BCAT2: variants seen among roughly 807,000 people sequenced by gnomAD.
The protein encoded by BCAT2 is branched chain amino acid transaminase 2.
A neutral mutation model predicts 52.9 loss-of-function variants in BCAT2; 44 were observed. The observed-to-expected ratio is 0.83, with a 90% CI of 0.65 to 1.07. The LOEUF (loss-of-function observed/expected upper bound fraction) is 1.07. Ranked by LOEUF, BCAT2 falls within the 50% of genes least tolerant of loss-of-function variation. BCAT2 has a pLI of 0.00. For synonymous variants in BCAT2, 215 were observed against 217.1 expected (o/e 0.99, Z 0.08); for missense variants, 478 against 521.8 (o/e 0.92, Z 0.82).
rs372287907 is a variant in BCAT2, at chr19:48,797,041, G to A, written c.839-19C>T. 7.4e-6 allele frequency: 12 copies of A among 1,613,834 alleles called. No individual in the cohort carries two copies. In the African/African-American group the frequency reaches 1.1e-4, roughly 14 times the overall value. On this transcript the variant is annotated intron_variant, in intron 7 of 10. Transcript: ENST00000316273. Reference sequence around the variant, plus strand: ...TCCAGCACTAGGGCAGGTGTAAGGGGTGGAAGATGTTACCTCTCACCCCCT... The same window carrying A: ...TCCAGCACTAGGGCAGGTGTAAGGGATGGAAGATGTTACCTCTCACCCCCT...
At chr19:48,802,702 C>T (rs1268115821) in intron 3 of BCAT2, among the ~76,000 whole-genome samples, 1 of 152,048 alleles carries the variant, frequency 6.6e-6, no homozygotes, top group Non-Finnish European at 1.5e-5. Context: ...CCTGCCTCAG[C>T]CTCCCAAAGT....
chr19:48,798,106 T>C (rs1031198067), intron 6 of BCAT2, among the ~76,000 whole-genome samples: 2 of 152,028 alleles, frequency 1.3e-5, no homozygotes, highest in African/African-American at 4.8e-5. Context: ...GGTTTCACCA[T>C]GTTGGCCAGG....
chr19:48,803,897 C>T (rs543218129), intron 3 of BCAT2, among the ~76,000 whole-genome samples: 5 of 152,324 alleles, frequency 3.3e-5, no homozygotes, highest in Admixed American at 1.3e-4. Flanking sequence ...CCGTGGCTCA[C>T]GCCAGTAATC....
At chr19:48,796,370 A>T in intron 10 of BCAT2, 58 bp downstream of exon 10, 1 of 1,604,040 alleles carries the variant, frequency 6.2e-7, no homozygotes, top group Non-Finnish European at 8.5e-7. Context: ...GGCTCATGGG[A>T]CACCAACTTC....
chr19:48,796,894 C>T (rs1217546843), intron 8 of BCAT2, 43 bp downstream of exon 8: 1 of 1,609,218 alleles, frequency 6.2e-7, no homozygotes, highest in East Asian at 2.2e-5. Flanking sequence ...TGCCCTGGCC[C>T]CTGGCACATG....
At chr19:48,806,221 G>A (rs2034775724) in intron 3 of BCAT2, among the ~76,000 whole-genome samples, 1 of 149,768 alleles carries the variant, frequency 6.7e-6, no homozygotes, top group Non-Finnish European at 1.5e-5. Context: ...TTTCTTTCAA[G>A]TGAGGCTGGG....
At chr19:48,809,141 G>A (rs572098313) in intron 1 of BCAT2, among the ~76,000 whole-genome samples, 2 of 143,996 alleles carry the variant, frequency 1.4e-5, no homozygotes, top group South Asian at 2.2e-4. Context: ...CAGGTGGATC[G>A]CTTGAGCCCA....
intron 1 of BCAT2, chr19:48,808,175 G>A (rs749757388): frequency 1.3e-5 from 13 of 986,550 alleles, no homozygotes; most frequent in East Asian, 1.1e-4. Context: ...TGATCAGAGC[G>A]TGGGTCCCCA....
In BCAT2 at chr19:48,807,927, C is replaced by A. The variant is rs2034829270; in HGVS notation, c.25-853G>T. On this transcript the variant is annotated intron_variant, in intron 1 of 10. Transcript: ENST00000316273. The surrounding 1 kb of genome is among the most constrained non-coding windows in gnomAD (Gnocchi z 4.6). ...TCTGGCTGTGTCCAGCAGGCTGGGC[C>A]CTCTCTGGTGACCTTTGACCTCACA... is the stretch of plus-strand genomic sequence containing the variant. 1 of 985,878 alleles carries A rather than the reference C, an allele frequency of 1.0e-6. No individual in the cohort carries two copies. Among genetic ancestry groups the A allele is most frequent in the Non-Finnish European group, 1.2e-6 (1 of 830,276 alleles). 61.1% of individuals were successfully genotyped at this position (985,878 alleles called of 1,614,324 possible).
At position 48,798,600 on chromosome 19, in the gene BCAT2, T is replaced by C. The variant is rs745479532; in HGVS notation, c.695+1075A>G. Among the ~76,000 whole-genome samples, 67 of 151,898 alleles carry C rather than the reference T, an allele frequency of 4.4e-4. 1 individual carries two copies. Among genetic ancestry groups the C allele is most frequent in the Non-Finnish European group, 4.4e-5 (3 of 67,962 alleles). On this transcript the variant is annotated intron_variant, in intron 6 of 10. Coordinates refer to ENST00000316273, the MANE Select transcript of BCAT2 (RefSeq NM_001190.4). ...CCTCCTCCCTCCTCGTCAGACCTAG[T>C]TGAAGGGTCGCCTCCTCTGCGAAAC...
chr19:48,796,211 G>A, intron 10 of BCAT2: 1 of 610,858 alleles, frequency 1.6e-6, no homozygotes, highest in Non-Finnish European at 2.9e-6. Context: ...CATATCCAGG[G>A]CTCCGGGAGC....
chr19:48,795,622 G>C (rs942188430), intron 10 of BCAT2, among the ~76,000 whole-genome samples, 158 bp from the exon 11 acceptor site: 1 of 152,140 alleles, frequency 6.6e-6, no homozygotes, highest in East Asian at 1.9e-4. Context: ...ATGGGAACGG[G>C]GAATCAAGGC....
At chr19:48,801,680 T>A (rs796182757) in intron 3 of BCAT2, among the ~76,000 whole-genome samples, 4 of 152,212 alleles carry the variant, frequency 2.6e-5, no homozygotes, top group African/African-American at 9.6e-5. Context: ...TCTCACTCTG[T>A]TGCCCAGGCT....
chr19:48,799,720 A>G lies in BCAT2; in HGVS notation c.650T>C (p.Phe217Ser), dbSNP rs762456218. Residue 217 changes from phenylalanine (F) to serine (S), a missense_variant, in exon 6 of 11, where the codon TTC (phenylalanine) becomes TCC (serine). Physicochemically the swap from Phe to Ser is radical, Grantham distance 155. Coordinates refer to ENST00000316273, the MANE Select transcript of BCAT2 (RefSeq NM_001190.4). This position sits in a 1 kb window ranked among gnomAD's most constrained non-coding sequence, Gnocchi z 5.5. ...TPVSLLADPA[F>S]IRAWVGGVGN... ...GACCCCGCCCACCCAGGCCCGGATG[A>G]AGGCTGGGTCGGCCAGGAGGGAGAC... is the stretch of plus-strand genomic sequence containing the variant. The G allele has an allele frequency of 1.9e-6, 3 of 1,597,380 alleles. No individual in the cohort carries two copies. Among genetic ancestry groups the G allele is most frequent in the Admixed American group, 1.8e-5 (1 of 56,162 alleles).
At position 48,796,820 on chromosome 19, in the gene BCAT2, G is replaced by A. The variant is rs566543828; in HGVS notation, c.925-102C>T. ...ATAGTGAGAAAGACAGAGGCCCAAC[G>A]GGAGAGACAGACCCAGGAGAAGGGG... On this transcript the variant is annotated intron_variant, in intron 8 of 10. Transcript: ENST00000316273. 2,471 of 1,590,774 alleles carry A rather than the reference G, an allele frequency of 1.6e-3. 7 individuals carry two copies. The highest frequency in any genetic ancestry group is 1.9e-3 in the South Asian group (167 of 88,440).
intron 1 of BCAT2, among the ~76,000 whole-genome samples, chr19:48,810,588 C>G (rs977529057): frequency 1.7e-4 from 26 of 152,098 alleles, no homozygotes; most frequent in Non-Finnish European, 8.8e-5. Flanking sequence ...ACTCTGCCTT[C>G]ACCTGCACCC....
Position 48,799,561 on chromosome 19 carries a change from T to C in BCAT2, c.695+114A>G. On this transcript the variant is annotated intron_variant, in intron 6 of 10. Transcript: ENST00000316273. The surrounding 1 kb of genome is among the most constrained non-coding windows in gnomAD (Gnocchi z 5.5). ...CTTAGCACTGAGCCCTGCACGGTGC[T>C]GATGATGTCACCTTCATGTGACATC... 7.5e-7 allele frequency: 1 copy of C among 1,340,220 alleles called. No individual in the cohort carries two copies. Among genetic ancestry groups the C allele is most frequent in the South Asian group, 1.6e-5 (1 of 63,140 alleles). 83.0% of individuals were successfully genotyped at this position (1,340,220 alleles called of 1,614,324 possible).
chr19:48,806,398 A>C (rs2034779910), intron 3 of BCAT2, 119 bp downstream of exon 3: 1 of 1,298,778 alleles, frequency 7.7e-7, no homozygotes, highest in South Asian at 1.3e-5. Context: ...ACAAATGGTG[A>C]ATGCACAGAA....
intron 3 of BCAT2, among the ~76,000 whole-genome samples, chr19:48,802,591 G>A (rs1421738836): frequency 1.3e-5 from 2 of 151,682 alleles, no homozygotes; most frequent in Non-Finnish European, 2.9e-5. Flanking sequence ...GGGATTACAG[G>A]CACCCGCCAC....
Sources: gnomAD v4.1 joint callset for allele counts (sites outside exome capture counted in the v4.1 genomes callset) on GRCh38, gnomAD v4.1.1 for gene constraint, Gnocchi (gnomAD v3.1) non-coding constraint, MANE v1.5 for transcripts, NCBI Gene and HGNC (gene_info 2026-07-23, HGNC 2026-07-21) for gene names.